DPF3: variants seen among roughly 807,000 people sequenced by gnomAD.
DPF3 encodes zinc finger protein DPF3.
A neutral mutation model predicts 56.8 loss-of-function variants in DPF3; 18 were observed. That is an observed-to-expected ratio of 0.32 (90% CI 0.22 to 0.47). DPF3 has a LOEUF of 0.47. DPF3 is among the 20% of genes least tolerant of loss of function. DPF3 has a pLI of 1.00. For synonymous variants in DPF3, 188 were observed against 180.2 expected, an observed-to-expected ratio of 1.04 and a Z score of -0.35; for missense variants, 403 against 488.8, an observed-to-expected ratio of 0.82 and a Z score of 1.65.
intron 8 of DPF3, among the ~76,000 whole-genome samples, chr14:72,634,152 A>G (rs1446670211): frequency 6.6e-6 from 1 of 152,154 alleles, no homozygotes; most frequent in Non-Finnish European, 1.5e-5. Context: ...GACATCACTC[A>G]AGCGCAAGAA....
In DPF3 at chr14:72,662,732, A is replaced by AGAGGAG. The variant is rs531790961; in HGVS notation, c.871+11502_871+11507dup. ...GGGGCTGGGCAAGGGAAGAGGAAGAAGAGGAGGAGGAGGAGGAGGTGCCAA... is the reference window on the plus strand; with the variant it reads ...GGGGCTGGGCAAGGGAAGAGGAAGAAGAGGAGGAGGAGGAGGAGGAGGAGGTGCCAA... On this transcript the variant is annotated intron_variant, in intron 8 of 10. Coordinates refer to ENST00000556509, the MANE Select transcript of DPF3 (RefSeq NM_001280542.3). 4.0e-6 allele frequency: 4 copies of AGAGGAG among 993,020 alleles called. No individual in the cohort carries two copies. The African/African-American group carries it at 7.0e-5, about 17-fold the overall frequency. 61.5% of individuals were successfully genotyped at this position (993,020 alleles called of 1,614,324 possible). A position where few individuals can be genotyped will look rare whatever the true frequency, so the allele number is the denominator to read the frequency against.
At position 72,809,546 on chromosome 14, in the gene DPF3, G is replaced by A. The variant is rs907265876; in HGVS notation, c.33-37653C>T. On this transcript the variant is annotated intron_variant, in intron 1 of 10. Transcript: ENST00000556509. ...CCACTACACCAGGGAGGAAAGAAGT[G>A]CATGGGGAGGCCTGGTCACACCTGC... 2.6e-5 allele frequency among the ~76,000 whole-genome samples: 4 copies of A among 152,374 alleles called. No individual in the cohort carries two copies. The East Asian group carries it at 5.8e-4, about 22-fold the overall frequency.
intron 1 of DPF3, among the ~76,000 whole-genome samples, chr14:72,893,002 AGG>A (rs1567273781): frequency 4.0e-5 from 5 of 125,344 alleles, no homozygotes; most frequent in African/African-American, 1.6e-4. Flanking sequence ...GAAGGAAGGA[AGG>A]AAGGAAGGAA....
At chr14:72,757,257 T>A (rs1464284325) in intron 2 of DPF3, among the ~76,000 whole-genome samples, 1 of 152,142 alleles carries the variant, frequency 6.6e-6, no homozygotes, top group Non-Finnish European at 1.5e-5. Flanking sequence ...CTCTGCAGGA[T>A]CTCAGAGAGG....
chr14:72,746,908 C>T (rs867190684), intron 3 of DPF3, among the ~76,000 whole-genome samples: 1 of 152,258 alleles, frequency 6.6e-6, no homozygotes, highest in African/African-American at 2.4e-5. Context: ...TCACATGTTA[C>T]GGCAGGCCCG....
intron 1 of DPF3, among the ~76,000 whole-genome samples, chr14:72,791,118 G>T (rs188264809): frequency 9.2e-5 from 14 of 152,222 alleles, no homozygotes; most frequent in African/African-American, 3.4e-4. Flanking sequence ...GCAATCTGGT[G>T]ACCTTCCCCA....
chr14:72,730,203 G>A (rs751256716), intron 4 of DPF3, among the ~76,000 whole-genome samples: 1 of 152,040 alleles, frequency 6.6e-6, no homozygotes, highest in African/African-American at 2.4e-5. Context: ...GGTGCGGGGA[G>A]AGGGGATGCG....
chr14:72,623,688 C>T (rs1193564557), intron 9 of DPF3, among the ~76,000 whole-genome samples: 2 of 152,194 alleles, frequency 1.3e-5, no homozygotes, highest in Non-Finnish European at 2.9e-5. Flanking sequence ...TAAGTATGAA[C>T]TGGATGCATC....
chr14:72,888,454 A>G (rs967466192), intron 1 of DPF3, among the ~76,000 whole-genome samples: 20 of 152,236 alleles, frequency 1.3e-4, no homozygotes, highest in Admixed American at 9.2e-4. Flanking sequence ...CCAATAAGAA[A>G]AACAAATTAC....
At chr14:72,855,166 G>A (rs10131564) in intron 1 of DPF3, among the ~76,000 whole-genome samples, 75,178 of 152,028 alleles carry the variant, frequency 0.49, 19,528 homozygotes, top group East Asian at 0.85. Flanking sequence ...TGACTGGCCC[G>A]GTGACGATCA....
chr14:72,758,844 C>T (rs1029184687), intron 2 of DPF3, among the ~76,000 whole-genome samples: 1 of 152,032 alleles, frequency 6.6e-6, no homozygotes, highest in Non-Finnish European at 1.5e-5. Flanking sequence ...TAAATATGTC[C>T]CAAAACAATG....
intron 3 of DPF3, among the ~76,000 whole-genome samples, chr14:72,746,899 C>T (rs909811393): frequency 8.5e-5 from 13 of 152,258 alleles, no homozygotes; most frequent in Non-Finnish European, 1.9e-4. Context: ...CCCTTCCCCT[C>T]ACATGTTACG....
At chr14:72,647,005 C>G (rs147403090) in intron 8 of DPF3, among the ~76,000 whole-genome samples, 131 of 152,318 alleles carry the variant, frequency 8.6e-4, no homozygotes, top group Non-Finnish European at 1.3e-3. Context: ...CCTGGGGACT[C>G]TTGCACATCA....
chr14:72,804,937 C>T (rs573654091), intron 1 of DPF3, among the ~76,000 whole-genome samples: 10 of 152,098 alleles, frequency 6.6e-5, no homozygotes, highest in Admixed American at 5.9e-4. Context: ...TGTTCCCTAT[C>T]TGCCACATGC....
chr14:72,690,682 C>T (rs1170139001), intron 7 of DPF3, among the ~76,000 whole-genome samples: 1 of 151,890 alleles, frequency 6.6e-6, no homozygotes, highest in Admixed American at 6.6e-5. Flanking sequence ...AATGAGGCTA[C>T]AGGAGAACCA....
At chr14:72,670,713 A>G (rs1303755918) in intron 8 of DPF3, 34 of 1,009,930 alleles carry the variant, frequency 3.4e-5, no homozygotes, top group Non-Finnish European at 3.7e-5. Flanking sequence ...ATAATGTTTT[A>G]ATGTTATTGG....
chr14:72,742,196 G>A (rs1309738281), intron 3 of DPF3, among the ~76,000 whole-genome samples: 1 of 152,218 alleles, frequency 6.6e-6, no homozygotes, highest in Non-Finnish European at 1.5e-5. Context: ...GCCGGTGCAG[G>A]CCTCCAGATG....
At chr14:72,706,788 C>A (rs1054132639) in intron 6 of DPF3, among the ~76,000 whole-genome samples, 1 of 152,008 alleles carries the variant, frequency 6.6e-6, no homozygotes, top group Non-Finnish European at 1.5e-5. Context: ...AAGCATTATG[C>A]AAAGGTATAG....
At chr14:72,830,149 A>G (rs1029833730) in intron 1 of DPF3, among the ~76,000 whole-genome samples, 2 of 152,234 alleles carry the variant, frequency 1.3e-5, no homozygotes, top group African/African-American at 4.8e-5. Context: ...AAGAACATTG[A>G]ATACATATCC....
Sources: allele counts gnomAD v4.1 joint callset (sites outside exome capture counted in the v4.1 genomes callset), GRCh38; gene constraint gnomAD v4.1.1; transcripts MANE v1.5; gene names NCBI Gene and HGNC (gene_info 2026-07-23, HGNC 2026-07-21).